Variants in GRWD1 observed in about 807,000 individuals in gnomAD.
The protein encoded by GRWD1 is glutamate rich WD repeat containing 1.
In GRWD1, 29 loss-of-function variants were observed where a neutral mutation model predicts 45.3. The observed-to-expected ratio is 0.64, with a 90% CI of 0.48 to 0.87. The LOEUF (loss-of-function observed/expected upper bound fraction) is 0.87, where lower values mean the gene tolerates loss of function less well. Ranked by LOEUF, GRWD1 falls within the 40% of genes least tolerant of loss-of-function variation. The probability of loss-of-function intolerance (pLI) is 0.00; values close to 1 mark genes in which losing one functional copy is unlikely to be tolerated. For synonymous variants in GRWD1, 262 were observed against 257.6 expected (o/e 1.02, Z -0.16); for missense variants, 592 against 618.8 (o/e 0.96, Z 0.46).
At chr19:48,448,753 G>A (rs1480554477) in intron 3 of GRWD1, among the ~76,000 whole-genome samples, 1 of 152,212 alleles carries the variant, frequency 6.6e-6, no homozygotes, top group Non-Finnish European at 1.5e-5. Context: ...AGAGTTTCAA[G>A]TGAAGCGGGA....
rs58562169 is a variant in GRWD1, at chr19:48,452,089, CT to C, written c.1024-602del. 0.86 allele frequency among the ~76,000 whole-genome samples: 125,159 copies of C among 146,026 alleles called. 53,802 individuals are homozygous for C. Among genetic ancestry groups the C allele is most frequent in the Non-Finnish European group, 0.91 (60,296 of 66,476 alleles). ...GGGAGAGCCATGCCCTCCTTTTTTT[CT>C]TTTTTTTTTTTTTTTTCTTTTTTTT... On this transcript the variant is annotated intron_variant, in intron 6 of 6. Coordinates refer to ENST00000253237, the MANE Select transcript of GRWD1 (RefSeq NM_031485.4). The surrounding 1 kb of genome is among the most constrained non-coding windows in gnomAD (Gnocchi z 5.1).
rs1021811779 is a variant in GRWD1 at position 48,455,578 on chromosome 19, C to T, written c.*2553C>T. 4.6e-5 allele frequency: 7 copies of T among 152,236 alleles called. No individual in the cohort carries two copies. The highest frequency in any genetic ancestry group is 2.1e-4 in the South Asian group (1 of 4,830). 9.4% of individuals were successfully genotyped at this position (152,236 alleles called of 1,614,324 possible). ...GGAGGGGGGTGCCCTGAGCCTGAGT[C>T]GCAGCCAGCCTGGGAGCTGGGCCAT... On this transcript the variant is annotated 3_prime_UTR_variant, in exon 7 of 7. Transcript: ENST00000253237.
chr19:48,448,570 G>A (rs532761226), intron 3 of GRWD1, among the ~76,000 whole-genome samples: 85 of 152,270 alleles, frequency 5.6e-4, no homozygotes, highest in African/African-American at 2.0e-3. Flanking sequence ...GAGGGTTAGG[G>A]TGCTCCAGGA....
At chr19:48,449,700 A>G (rs1971449509) in intron 3 of GRWD1, among the ~76,000 whole-genome samples, 1 of 152,166 alleles carries the variant, frequency 6.6e-6, no homozygotes, top group African/African-American at 2.4e-5. Context: ...GCTTACCCAT[A>G]GTCCCAACTA....
At chr19:48,451,578 C>G (rs1022626198) in intron 6 of GRWD1, among the ~76,000 whole-genome samples, 3 of 152,152 alleles carry the variant, frequency 2.0e-5, no homozygotes, top group Non-Finnish European at 4.4e-5. Context: ...TTTCTAGATG[C>G]AACTGAGAAT....
chr19:48,452,778 ACAG>A lies in GRWD1; in HGVS notation c.1096_1098del (p.Ser366del). The stretch of plus-strand genomic sequence containing the variant: ...ACCTCCGTCGAGTGGCACCCCCAGG[ACAG>A]CGGGGTCTTTGCAGCCTCGGGTGCA... On this transcript the variant is annotated inframe_deletion, in exon 7 of 7. Coordinates refer to ENST00000253237, the MANE Select transcript of GRWD1 (RefSeq NM_031485.4). The surrounding 1 kb of genome is among the most constrained non-coding windows in gnomAD (Gnocchi z 5.1). 6.2e-7 allele frequency: 1 copy of A among 1,609,996 alleles called. No individual in the cohort carries two copies. The highest frequency in any genetic ancestry group is 8.5e-7 in the Non-Finnish European group (1 of 1,176,848).
At chr19:48,447,632 C>T (rs1402258995) in intron 3 of GRWD1, among the ~76,000 whole-genome samples, 2 of 152,134 alleles carry the variant, frequency 1.3e-5, no homozygotes, top group Middle Eastern at 3.4e-3. Context: ...CCGCACGCCT[C>T]GGGCACCCAA....
At chr19:48,448,473 G>T (rs1971436115) in intron 3 of GRWD1, among the ~76,000 whole-genome samples, 1 of 152,180 alleles carries the variant, frequency 6.6e-6, no homozygotes, top group Admixed American at 6.5e-5. Flanking sequence ...ACACTAGTGG[G>T]GGAAGGGAAC....
In GRWD1 at chr19:48,452,863, CGTG is replaced by C. The variant is rs1218008192; in HGVS notation, c.1181_1183del (p.Val394del). The C allele has an allele frequency of 6.2e-7, 1 of 1,612,680 alleles. No homozygotes were observed. The highest frequency in any genetic ancestry group is 1.3e-5 in the African/African-American group (1 of 74,932). ...TGGAGCGGGACCCTGAGGCGGGCGA[CGTG>C]GAGGCCGACCCCGGACTGGCCGACC... On this transcript the variant is annotated inframe_deletion, in exon 7 of 7. Coordinates refer to ENST00000253237, the MANE Select transcript of GRWD1 (RefSeq NM_031485.4). This position sits in a 1 kb window ranked among gnomAD's most constrained non-coding sequence, Gnocchi z 5.1.
In GRWD1 at chr19:48,446,802, C is replaced by A. The variant is rs1374154461; in HGVS notation, c.427C>A (p.Leu143Met). The change falls in exon 3 of 7, where the codon CTG becomes ATG. Residue 143 changes from leucine (L) to methionine (M), a missense_variant. Coordinates refer to ENST00000253237, the MANE Select transcript of GRWD1 (RefSeq NM_031485.4). ...DEEERKPQLELAMVPHYGGIN... is the reference protein window; with the variant it reads ...DEEERKPQLEMAMVPHYGGIN... ...AGAAGAGCGGAAACCTCAGCTGGAG[C>A]TGGCCATGGTGCCCCACTATGGTGG... 1 of 1,614,012 alleles carries A rather than the reference C, an allele frequency of 6.2e-7. No individual in the cohort carries two copies. The highest frequency in any genetic ancestry group is 1.7e-5 in the Admixed American group (1 of 60,026).
At position 48,446,123 on chromosome 19, in the gene GRWD1, C is replaced by G. The variant is rs1317992498; in HGVS notation, c.118C>G (p.Pro40Ala). The change falls in exon 1 of 7, where the codon CCG becomes GCG. Residue 40 changes from proline to alanine, a missense_variant. Transcript: ENST00000253237. ...GGTCTACCTGCCCGGCCGGGGGCCG[C>G]CGCTACGCGAAGGGGAGGAGCTGGT... ...AQVYLPGRGP[P>A]LREGEELVMD... 6.2e-7 allele frequency: 1 copy of G among 1,605,596 alleles called. No homozygotes were observed. Among genetic ancestry groups the G allele is most frequent in the Non-Finnish European group, 8.5e-7 (1 of 1,177,618 alleles).
chr19:48,452,106 T>C lies in GRWD1; in HGVS notation c.1024-602T>C, dbSNP rs1215046828. Among the ~76,000 whole-genome samples, 36 of 133,922 alleles carry C rather than the reference T, an allele frequency of 2.7e-4. No individual in the cohort carries two copies. The highest frequency in any genetic ancestry group is 3.3e-4 in the African/African-American group (12 of 36,142). The allele number at this position is 133,922 out of a possible 152,430, so 87.9% of individuals were successfully genotyped here. On this transcript the variant is annotated intron_variant, in intron 6 of 6. Transcript: ENST00000253237. This position sits in a 1 kb window ranked among gnomAD's most constrained non-coding sequence, Gnocchi z 5.1. ...CTTTTTTTCTTTTTTTTTTTTTTTTTCTTTTTTTTTGCGATGGAGTTTTGC... is the reference window on the plus strand; with the variant it reads ...CTTTTTTTCTTTTTTTTTTTTTTTTCCTTTTTTTTTGCGATGGAGTTTTGC...
In GRWD1 at chr19:48,454,055, C is replaced by G. The variant is rs944395787; in HGVS notation, c.*1030C>G. 4.6e-5 allele frequency: 7 copies of G among 152,136 alleles called. No individual in the cohort carries two copies. The highest frequency in any genetic ancestry group is 1.7e-4 in the African/African-American group (7 of 41,382). The allele number at this position is 152,136 out of a possible 1,614,324, so 9.4% of individuals were successfully genotyped here. A position where few individuals can be genotyped will look rare whatever the true frequency, so the allele number is the denominator to read the frequency against. The stretch of plus-strand genomic sequence containing the variant: ...AGTCCAGTGCAACCCAACCTTCCGC[C>G]CACTGGGTGCCGCCGCGTTCTGCCT... On this transcript the variant is annotated 3_prime_UTR_variant, in exon 7 of 7. Coordinates refer to ENST00000253237, the MANE Select transcript of GRWD1 (RefSeq NM_031485.4).
intron 3 of GRWD1, among the ~76,000 whole-genome samples, chr19:48,447,487 T>G (rs1971423360): frequency 6.6e-6 from 1 of 151,506 alleles, no homozygotes; most frequent in Non-Finnish European, 1.5e-5. Flanking sequence ...GTGATCCGCC[T>G]GCCTCGGCTT....
chr19:48,451,982 C>T (rs547917026), intron 6 of GRWD1, among the ~76,000 whole-genome samples: 33 of 152,280 alleles, frequency 2.2e-4, no homozygotes, highest in African/African-American at 7.9e-4. Flanking sequence ...TGCTGTCATT[C>T]TTAGTCTTTC....
rs1472225882 is a variant in GRWD1 at position 48,450,743 on chromosome 19, C to T, written c.760C>T (p.Gln254Ter). 1 of 1,613,980 alleles carries T rather than the reference C, an allele frequency of 6.2e-7. No individual in the cohort carries two copies. Among genetic ancestry groups the T allele is most frequent in the African/African-American group, 1.3e-5 (1 of 74,924 alleles). Residue 254 changes from glutamine to a stop codon, truncating the protein, a stop_gained, in exon 5 of 7, where the codon CAG becomes TAG. Coordinates refer to ENST00000253237, the MANE Select transcript of GRWD1 (RefSeq NM_031485.4). LOFTEE classifies it high-confidence loss of function. The surrounding 1 kb of genome is among the most constrained non-coding windows in gnomAD (Gnocchi z 5.1). ...PTDGGSWHVD[Q>*]RPFVGHTRSV... ...GGACGGCGGCTCCTGGCACGTGGACCAGCGGCCATTCGTGGGCCACACACG... is the reference window on the plus strand; with the variant it reads ...GGACGGCGGCTCCTGGCACGTGGACTAGCGGCCATTCGTGGGCCACACACG...
At position 48,451,249 on chromosome 19, in the gene GRWD1, C is replaced by T. The variant is rs774714147; in HGVS notation, c.1023+18C>T. 2 of 1,550,548 alleles carry T rather than the reference C, an allele frequency of 1.3e-6. No individual in the cohort carries two copies. Among genetic ancestry groups the T allele is most frequent in the South Asian group, 1.2e-5 (1 of 83,692 alleles). On this transcript the variant is annotated intron_variant, in intron 6 of 6. Transcript: ENST00000253237. ...AGTTCAAGGTATTTTCCCAGCCGGA[C>T]ACCTGGGGGCTAGAGAAGCTTGCTC...
chr19:48,447,569 G>A (rs1468022216), intron 3 of GRWD1, among the ~76,000 whole-genome samples: 1 of 152,040 alleles, frequency 6.6e-6, no homozygotes, highest in Non-Finnish European at 1.5e-5. Context: ...TAGAGACAAG[G>A]TTTCGCCTTG....
rs1368416670 is a variant in GRWD1 at position 48,450,785 on chromosome 19, C to A, written c.802C>A (p.Gln268Lys). 3.1e-6 allele frequency: 5 copies of A among 1,613,800 alleles called. No homozygotes were observed. The South Asian group carries it at 5.5e-5, about 18-fold the overall frequency. Reference sequence around the variant, plus strand: ...CCACACACGCTCTGTGGAGGACCTGCAGTGGTCACCGACTGAGAACACGGT... The same window carrying A: ...CCACACACGCTCTGTGGAGGACCTGAAGTGGTCACCGACTGAGAACACGGT... ...VGHTRSVEDL[Q>K]WSPTENTVFA... Residue 268 changes from glutamine (Q) to lysine (K), a missense_variant, in exon 5 of 7, where the codon CAG becomes AAG. By Grantham distance (53) the Gln-to-Lys change is moderately conservative. Transcript: ENST00000253237. The surrounding 1 kb of genome is among the most constrained non-coding windows in gnomAD (Gnocchi z 5.1).
Sources: allele counts gnomAD v4.1 joint callset (sites outside exome capture counted in the v4.1 genomes callset), GRCh38; gene constraint gnomAD v4.1.1; non-coding constraint Gnocchi (gnomAD v3.1); transcripts MANE v1.5; gene names NCBI Gene and HGNC (gene_info 2026-07-23, HGNC 2026-07-21).